The following TM9SF4 variants were observed in gnomAD, a reference collection of about 807,000 sequenced individuals.
TM9SF4 encodes dinucleotide oxidase disulfide thiol exchanger 3 superfamily member 4.
A neutral mutation model predicts 90.4 loss-of-function variants in TM9SF4; 26 were observed. That is an observed-to-expected ratio of 0.29 (90% CI 0.21 to 0.40). The LOEUF (loss-of-function observed/expected upper bound fraction) is 0.40, where lower values mean the gene tolerates loss of function less well. Among genes scored for constraint, TM9SF4 ranks in the 10% least tolerant of loss-of-function variants. The pLI is 1.00. For synonymous variants in TM9SF4, 293 were observed against 315.4 expected, an observed-to-expected ratio of 0.93 and a Z score of 0.75; for missense variants, 549 against 834.8, an observed-to-expected ratio of 0.66 and a Z score of 4.22.
At chr20:32,138,586 G>A (rs2046627078) in intron 3 of TM9SF4, among the ~76,000 whole-genome samples, 1 of 152,260 alleles carries the variant, frequency 6.6e-6, no homozygotes, top group African/African-American at 2.4e-5. Context: ...CAACCCAGGA[G>A]GCAGAGGTTG....
rs185445011 is a variant in TM9SF4, at chr20:32,119,349, A to G, written c.15+9594A>G. 1.3e-3 allele frequency among the ~76,000 whole-genome samples: 204 copies of G among 152,286 alleles called. 1 individual carries two copies. The highest frequency in any genetic ancestry group is 2.0e-3 in the Non-Finnish European group (134 of 68,014). On this transcript the variant is annotated intron_variant, in intron 1 of 17. Transcript: ENST00000398022. ...CGTGGCTCATGCCTGTAATCCCAGC[A>G]CTTTGGGAGGCCGAGGCAAGCAGAT... is the stretch of plus-strand genomic sequence containing the variant.
chr20:32,115,708 T>G (rs1156466893), intron 1 of TM9SF4, among the ~76,000 whole-genome samples: 1 of 152,108 alleles, frequency 6.6e-6, no homozygotes, highest in Non-Finnish European at 1.5e-5. Context: ...TTGGACTGAT[T>G]GGTTATGTGA....
Position 32,141,637 on chromosome 20 carries a change from C to A in TM9SF4, c.370C>A (p.Arg124=). ...TVEQSRLVAE[R]ITEDYYVHLI... is the part of the protein sequence containing the mutation. ...GGAGCAGAGCCGACTCGTGGCCGAG[C>A]GGATCACAGAAGACTACTACGTCCA... The change falls in exon 4 of 18, where the codon CGG becomes AGG. Residue 124 remains arginine, a synonymous_variant. Transcript: ENST00000398022. The A allele has an allele frequency of 6.2e-7, 1 of 1,614,106 alleles. No homozygotes were observed. The highest frequency in any genetic ancestry group is 8.5e-7 in the Non-Finnish European group (1 of 1,179,998).
At chr20:32,159,861 C>CATGT in intron 15 of TM9SF4, 131 bp from the exon 16 acceptor site, 1 of 1,338,226 alleles carries the variant, frequency 7.5e-7, no homozygotes, top group Non-Finnish European at 1.0e-6. Flanking sequence ...GGGCCAGAGC[C>CATGT]ACATGCCAGG....
chr20:32,153,694 T>C (rs1235539400), intron 12 of TM9SF4, among the ~76,000 whole-genome samples: 1 of 152,166 alleles, frequency 6.6e-6, no homozygotes, highest in Non-Finnish European at 1.5e-5. Context: ...CGGTGAGCTA[T>C]GATTGCACCA....
In TM9SF4 at chr20:32,160,125, G is replaced by A. The variant is rs1167952993; in HGVS notation, c.1689+14G>A. On this transcript the variant is annotated intron_variant, in intron 16 of 17. Transcript: ENST00000398022. Reference sequence around the variant, plus strand: ...CTGTGTGCAGAGGTGAGGAGAGCAGGGCCAGGAGGCGGGGGAGGGAGAACT... The same window carrying A: ...CTGTGTGCAGAGGTGAGGAGAGCAGAGCCAGGAGGCGGGGGAGGGAGAACT... 6.2e-7 allele frequency: 1 copy of A among 1,614,102 alleles called. No homozygotes were observed. Among genetic ancestry groups the A allele is most frequent in the Admixed American group, 1.7e-5 (1 of 60,014 alleles).
chr20:32,125,581 G>A (rs2046406952), intron 1 of TM9SF4, among the ~76,000 whole-genome samples: 1 of 151,930 alleles, frequency 6.6e-6, no homozygotes, highest in South Asian at 2.1e-4. Flanking sequence ...TTCCATGCAT[G>A]CTCAAGTTTC....
At chr20:32,112,649 G>A (rs930249318) in intron 1 of TM9SF4, among the ~76,000 whole-genome samples, 3 of 148,894 alleles carry the variant, frequency 2.0e-5, no homozygotes, top group East Asian at 2.0e-4. Context: ...AGCCAAGATC[G>A]TGTCACTGCA....
intron 1 of TM9SF4, among the ~76,000 whole-genome samples, chr20:32,110,337 C>T (rs1376351820): frequency 6.6e-6 from 1 of 152,144 alleles, no homozygotes; most frequent in Non-Finnish European, 1.5e-5. Context: ...CATCTTTCAT[C>T]CCTAGAGGCT....
intron 17 of TM9SF4, among the ~76,000 whole-genome samples, chr20:32,163,329 G>A (rs1037218375): frequency 3.5e-5 from 5 of 142,342 alleles, no homozygotes; most frequent in Admixed American, 7.1e-5. Flanking sequence ...ATACATACCA[G>A]GGCTCTGTGC....
At chr20:32,163,850 A>AAC (rs2047063025) in intron 17 of TM9SF4, among the ~76,000 whole-genome samples, 1 of 151,902 alleles carries the variant, frequency 6.6e-6, no homozygotes. Context: ...ACCTCATGTG[A>AAC]TCCGTCTGCC....
At chr20:32,132,991 C>T in intron 1 of TM9SF4, 22 bp from the exon 2 acceptor site, 1 of 1,606,998 alleles carries the variant, frequency 6.2e-7, no homozygotes, top group Non-Finnish European at 8.5e-7. Flanking sequence ...CCCAATCCAA[C>T]CCTGGCCTCT....
intron 15 of TM9SF4, 169 bp from the exon 16 acceptor site, chr20:32,159,823 G>A: frequency 1.1e-6 from 1 of 899,680 alleles, no homozygotes; most frequent in African/African-American, 1.7e-5. Flanking sequence ...TAAGGACAGT[G>A]TGGCTCACCC....
chr20:32,165,852 T>G lies in TM9SF4; in HGVS notation c.*408T>G. 1 of 196,810 alleles carries G rather than the reference T, an allele frequency of 5.1e-6. No individual in the cohort carries two copies. Among genetic ancestry groups the G allele is most frequent in the South Asian group, 8.6e-5 (1 of 11,654 alleles). The allele number at this position is 196,810 out of a possible 1,614,324, so 12.2% of individuals were successfully genotyped here. A position where few individuals can be genotyped will look rare whatever the true frequency, so the allele number is the denominator to read the frequency against. On this transcript the variant is annotated 3_prime_UTR_variant, in exon 18 of 18. Coordinates refer to ENST00000398022, the MANE Select transcript of TM9SF4 (RefSeq NM_014742.4). ...CTCCACCTCAGTTCCTCAGGGCTGTTGGCCACCCTATGACTAACTGGAAGA... is the reference window on the plus strand; with the variant it reads ...CTCCACCTCAGTTCCTCAGGGCTGTGGGCCACCCTATGACTAACTGGAAGA...
intron 10 of TM9SF4, 144 bp downstream of exon 10, chr20:32,149,910 C>G (rs2046817417): frequency 8.4e-7 from 1 of 1,191,282 alleles, no homozygotes; most frequent in Non-Finnish European, 1.2e-6. Context: ...CTGGGCCAGA[C>G]AGGCCGTCTA....
At chr20:32,113,654 T>C (rs372982268) in intron 1 of TM9SF4, among the ~76,000 whole-genome samples, 5 of 152,342 alleles carry the variant, frequency 3.3e-5, no homozygotes, top group Admixed American at 2.6e-4. Flanking sequence ...TATTATAATC[T>C]TCTTTATGGA....
chr20:32,158,569 C>T (rs2046965791), intron 15 of TM9SF4, 55 bp downstream of exon 15: 1 of 1,582,938 alleles, frequency 6.3e-7, no homozygotes, highest in Non-Finnish European at 8.7e-7. Flanking sequence ...GTCACTCCCA[C>T]TCCACTCGGG....
chr20:32,159,952 G>C lies in TM9SF4; in HGVS notation c.1570-40G>C, dbSNP rs1600345363. 1.9e-6 allele frequency: 3 copies of C among 1,613,450 alleles called. No homozygotes were observed. In the East Asian group the frequency reaches 6.7e-5, roughly 36 times the overall value. ...TTGGTGTGCCAGGGGAAGGGGAGCA[G>C]GGTGGTCAAGCCAGCTGAAGCCCCA... On this transcript the variant is annotated intron_variant, in intron 15 of 17. Coordinates refer to ENST00000398022, the MANE Select transcript of TM9SF4 (RefSeq NM_014742.4).
At chr20:32,131,754 C>G (rs1274973874) in intron 1 of TM9SF4, among the ~76,000 whole-genome samples, 1 of 152,110 alleles carries the variant, frequency 6.6e-6, no homozygotes, top group Admixed American at 6.5e-5. Context: ...AATCCGGCAG[C>G]TTTTCTAGTT....
Sources: gnomAD v4.1 joint callset for allele counts (sites outside exome capture counted in the v4.1 genomes callset) on GRCh38, gnomAD v4.1.1 for gene constraint, MANE v1.5 for transcripts, NCBI Gene and HGNC (gene_info 2026-07-23, HGNC 2026-07-21) for gene names.